GGT7: variants seen among roughly 807,000 people sequenced by gnomAD.
The protein encoded by GGT7 is gamma-glutamyltransferase 7, also known as glutathione hydrolase 7.
GGT7 carries 30 observed loss-of-function variants against 69.2 expected under a neutral mutation model. That is an observed-to-expected ratio of 0.43 (90% CI 0.32 to 0.59). The LOEUF (loss-of-function observed/expected upper bound fraction) is 0.59, where lower values mean the gene tolerates loss of function less well. Ranked by LOEUF, GGT7 falls within the 20% of genes least tolerant of loss-of-function variation. The probability of loss-of-function intolerance (pLI) is 0.05; values close to 1 mark genes in which losing one functional copy is unlikely to be tolerated. For synonymous variants in GGT7, 388 were observed against 391.8 expected (o/e 0.99, Z 0.12); for missense variants, 733 against 901.1 (o/e 0.81, Z 2.39).
At chr20:34,851,566 G>A (rs756028742) in intron 12 of GGT7, among the ~76,000 whole-genome samples, 198 bp from the exon 13 acceptor site, 1 of 152,134 alleles carries the variant, frequency 6.6e-6, no homozygotes, top group African/African-American at 2.4e-5. Context: ...TGGGGTGGAT[G>A]GGGGAGTGAT....
In GGT7 at chr20:34,863,187, C is replaced by T; in HGVS notation, c.405+126G>A. On this transcript the variant is annotated intron_variant, in intron 2 of 14. Transcript: ENST00000336431. This position sits in a 1 kb window ranked among gnomAD's most constrained non-coding sequence, Gnocchi z 4.4. The stretch of plus-strand genomic sequence containing the variant: ...TGGAGCTCCTCTCTTTGGGACCTTC[C>T]TCTCCCAAGTCACCACCCTCTCTCC... 2 of 831,512 alleles carry T rather than the reference C, an allele frequency of 2.4e-6. No homozygotes were observed. Among genetic ancestry groups the T allele is most frequent in the Non-Finnish European group, 3.8e-6 (2 of 519,884 alleles). The allele number at this position is 831,512 out of a possible 1,614,324, so 51.5% of individuals were successfully genotyped here.
chr20:34,861,921 G>A (rs1015556829), intron 3 of GGT7, among the ~76,000 whole-genome samples: 14 of 152,124 alleles, frequency 9.2e-5, no homozygotes, highest in Non-Finnish European at 1.9e-4. Flanking sequence ...TACTTGGTAT[G>A]TCCCTTGCCC....
chr20:34,868,749 A>G (rs1459673318), intron 1 of GGT7, among the ~76,000 whole-genome samples: 14 of 152,224 alleles, frequency 9.2e-5, no homozygotes, highest in Non-Finnish European at 1.5e-5. Flanking sequence ...TGCTGGAACT[A>G]CTGGGAAAGA....
Position 34,851,251 on chromosome 20 carries a change from C to T in GGT7, c.1705G>A (p.Gly569Ser). Residue 569 changes from glycine to serine, a missense_variant, in exon 13 of 15, where the codon GGC becomes AGC. Transcript: ENST00000336431. ...LALGANGAAR[G>S]LSGLTQVLLN... ...CTCACCTGTGTCAGGCCGCTGAGGC[C>T]CCGCGCAGCTCCATTGGCCCCCAGA... 2 of 1,613,708 alleles carry T rather than the reference C, an allele frequency of 1.2e-6. No individual in the cohort carries two copies. The highest frequency in any genetic ancestry group is 1.7e-6 in the Non-Finnish European group (2 of 1,180,008).
In GGT7 at chr20:34,863,552, C is replaced by CG. The variant is rs1568941630; in HGVS notation, c.170-5dup. ...GACTTCAGGAAGGAGTCCGGGTCTG[C>CG]GGGCAGGCAGCCGGGGTCGGTCTGG... On this transcript the variant is annotated splice_region_variant and splice_polypyrimidine_tract_variant and intron_variant, in intron 1 of 14. Transcript: ENST00000336431. The surrounding 1 kb of genome is among the most constrained non-coding windows in gnomAD (Gnocchi z 4.4). The CG allele has an allele frequency of 5.1e-6, 8 of 1,558,008 alleles. No individual in the cohort carries two copies. In the South Asian group the frequency reaches 9.4e-5, roughly 18 times the overall value.
At chr20:34,848,307 T>C (rs2079331375) in intron 14 of GGT7, among the ~76,000 whole-genome samples, 1 of 152,144 alleles carries the variant, frequency 6.6e-6, no homozygotes, top group South Asian at 2.1e-4. Context: ...CAGAATGTCC[T>C]TTACCTCCAC....
chr20:34,866,050 G>A (rs1352979822), intron 1 of GGT7, among the ~76,000 whole-genome samples: 1 of 152,138 alleles, frequency 6.6e-6, no homozygotes, highest in African/African-American at 2.4e-5. Context: ...GTTCACTGAT[G>A]CCAACATAAT....
chr20:34,851,422 G>T, intron 12 of GGT7, 54 bp from the exon 13 acceptor site: 1 of 1,546,444 alleles, frequency 6.5e-7, no homozygotes, highest in South Asian at 1.2e-5. Flanking sequence ...ACAAGACCGG[G>T]AAAGGGCCCC....
rs2079504650 is a variant in GGT7 at position 34,856,988 on chromosome 20, A to G, written c.1015-95T>C. ...TGGATCACAGACAGATCAGCTGTTT[A>G]TAACTTCTGTGCCTTCTGCAACCCC... On this transcript the variant is annotated intron_variant, in intron 7 of 14. Transcript: ENST00000336431. 4 of 795,792 alleles carry G rather than the reference A, an allele frequency of 5.0e-6. No individual in the cohort carries two copies. In the Admixed American group the frequency reaches 5.9e-5, roughly 12 times the overall value. The allele number at this position is 795,792 out of a possible 1,614,324, so 49.3% of individuals were successfully genotyped here.
In GGT7 at chr20:34,856,864, T is replaced by C; in HGVS notation, c.1044A>G (p.Glu348=). The C allele has an allele frequency of 6.2e-7, 1 of 1,611,828 alleles. No homozygotes were observed. Among genetic ancestry groups the C allele is most frequent in the Middle Eastern group, 1.7e-4 (1 of 6,060 alleles). ...GGGCGCTGTAATTGCTGAAGTCCTC[T>C]TCGGTTATGACACCCCCTGCGTGCT... ...EAQHAGGVIT[E]EDFSNYSALV... Residue 348 remains glutamate, a synonymous_variant, in exon 8 of 15, where the codon GAA becomes GAG. Transcript: ENST00000336431.
rs755727019 is a variant in GGT7 at position 34,861,486 on chromosome 20, C to A, written c.634G>T (p.Ala212Ser). Reference protein sequence around the residue: ...LIDFRESAPGALREETLQRSW... With the variant: ...LIDFRESAPGSLREETLQRSW... ...CTTTGCAGGGTCTCTTCCCTGAGGG[C>A]CCCTGGTGCGGACTCCCGGAAATCA... The change falls in exon 4 of 15, where the codon GCC becomes TCC. Residue 212 changes from alanine to serine, a missense_variant. Physicochemically the swap from Ala to Ser is moderately conservative, Grantham distance 99 (BLOSUM62 1). Coordinates refer to ENST00000336431, the MANE Select transcript of GGT7 (RefSeq NM_178026.3). 2 of 1,553,292 alleles carry A rather than the reference C, an allele frequency of 1.3e-6. No homozygotes were observed. The highest frequency in any genetic ancestry group is 1.8e-6 in the Non-Finnish European group (2 of 1,139,560).
intron 1 of GGT7, among the ~76,000 whole-genome samples, chr20:34,867,524 G>A (rs1253522085): frequency 6.6e-6 from 1 of 151,984 alleles, no homozygotes; most frequent in Non-Finnish European, 1.5e-5. Flanking sequence ...ACCAGCCTGG[G>A]CAACATAGCA....
chr20:34,869,908 A>G (rs1417689422), intron 1 of GGT7, among the ~76,000 whole-genome samples: 1 of 152,212 alleles, frequency 6.6e-6, no homozygotes, highest in Non-Finnish European at 1.5e-5. Context: ...AAGGGCTTGG[A>G]GCTCAGAAGA....
chr20:34,854,985 C>T (rs1004667005), intron 8 of GGT7, 62 bp from the exon 9 acceptor site: 1 of 1,533,402 alleles, frequency 6.5e-7, no homozygotes, highest in African/African-American at 1.4e-5. Flanking sequence ...CATCCCACAT[C>T]CCATCTCCAC....
chr20:34,860,024 G>A lies in GGT7; in HGVS notation c.762C>T (p.Val254=), dbSNP rs770050502. ...GGGCCACAGCTGCTGCAAAGGCCAG[G>A]ACTTGGGACCATGGCAGCCTGGGGG... ...QLYGRLPWSQ[V]LAFAAAVAQD... is the part of the protein sequence containing the mutation. Residue 254 remains valine (V), a synonymous_variant, in exon 6 of 15, where the codon GTC becomes GTT. Coordinates refer to ENST00000336431, the MANE Select transcript of GGT7 (RefSeq NM_178026.3). 12 of 1,561,724 alleles carry A rather than the reference G, an allele frequency of 7.7e-6. No homozygotes were observed. In the African/African-American group the frequency reaches 1.4e-4, roughly 18 times the overall value.
rs1034730795 is a variant in GGT7, at chr20:34,863,822, G to A, written c.170-274C>T. The A allele has an allele frequency of 1.5e-6, 1 of 661,670 alleles. No homozygotes were observed. The allele number at this position is 661,670 out of a possible 1,614,324, so 41.0% of individuals were successfully genotyped here. A position where few individuals can be genotyped will look rare whatever the true frequency, so the allele number is the denominator to read the frequency against. On this transcript the variant is annotated intron_variant, in intron 1 of 14. Transcript: ENST00000336431. This position sits in a 1 kb window ranked among gnomAD's most constrained non-coding sequence, Gnocchi z 4.4. The stretch of plus-strand genomic sequence containing the variant: ...CCTAGGCCAAATTTCCTGGCACCCA[G>A]GGCCCAGGGCTGAGAACACTTCCTG...
At chr20:34,867,261 A>C (rs1398231530) in intron 1 of GGT7, among the ~76,000 whole-genome samples, 1 of 152,196 alleles carries the variant, frequency 6.6e-6, no homozygotes, top group African/African-American at 2.4e-5. Context: ...AAGGGTTTTG[A>C]ACTTATATTT....
At chr20:34,857,959 C>T (rs1490068234) in intron 7 of GGT7, among the ~76,000 whole-genome samples, 2 of 152,158 alleles carry the variant, frequency 1.3e-5, no homozygotes. Context: ...AGTTAATAAA[C>T]TCAACTTTGG....
chr20:34,853,377 G>GTGTT, intron 10 of GGT7, among the ~76,000 whole-genome samples: 1 of 121,040 alleles, frequency 8.3e-6, no homozygotes, highest in South Asian at 2.6e-4. Flanking sequence ...GTGTGTGTGT[G>GTGTT]TGTGTTTTAG....
Sources: allele counts gnomAD v4.1 joint callset (sites outside exome capture counted in the v4.1 genomes callset), GRCh38; gene constraint gnomAD v4.1.1; non-coding constraint Gnocchi (gnomAD v3.1); transcripts MANE v1.5; gene names NCBI Gene and HGNC (gene_info 2026-07-23, HGNC 2026-07-21).